COL24A1: variants seen among roughly 807,000 people sequenced by gnomAD.
COL24A1 encodes collagen type XXIV alpha 1 chain.
COL24A1 carries 224 observed loss-of-function variants against 253.9 expected under a neutral mutation model. The ratio of observed to expected loss-of-function variants is 0.88; its 90% CI spans 0.79 to 0.99. The LOEUF (loss-of-function observed/expected upper bound fraction) is 0.99, where lower values mean the gene tolerates loss of function less well. COL24A1 is among the 50% of genes least tolerant of loss of function. COL24A1 has a pLI of 0.00. For missense variants in COL24A1, 2,131 were observed against 2,068.5 expected (o/e 1.03, Z -0.59); for synonymous variants, 685 against 673.7 (o/e 1.02, Z -0.26).
At chr1:85,827,876 C>T (rs1327324589) in intron 43 of COL24A1, among the ~76,000 whole-genome samples, 1 of 152,056 alleles carries the variant, frequency 6.6e-6, no homozygotes, top group Non-Finnish European at 1.5e-5. Flanking sequence ...AAACCAGCTC[C>T]TGGATTCATT....
intron 7 of COL24A1, among the ~76,000 whole-genome samples, chr1:86,078,573 C>A (rs899024534): frequency 2.6e-5 from 4 of 152,028 alleles, no homozygotes; most frequent in African/African-American, 7.2e-5. Flanking sequence ...ATTCCACCAA[C>A]AAAACAAAAC....
intron 42 of COL24A1, 149 bp downstream of exon 42, chr1:85,841,073 T>C (rs1376554778): frequency 1.7e-6 from 1 of 590,466 alleles, no homozygotes; most frequent in Non-Finnish European, 2.9e-6. Flanking sequence ...TCATTTAAAT[T>C]TTGTGACCAT....
At chr1:85,875,482 T>C (rs748023102) in intron 33 of COL24A1, 152 bp from the exon 34 acceptor site, 5 of 595,514 alleles carry the variant, frequency 8.4e-6, no homozygotes, top group Non-Finnish European at 1.5e-5. Context: ...AGATTCTTTC[T>C]GACACCCTTT....
intron 2 of COL24A1, among the ~76,000 whole-genome samples, chr1:86,138,125 C>T (rs537452859): frequency 2.0e-5 from 3 of 152,142 alleles, no homozygotes; most frequent in African/African-American, 7.2e-5. Context: ...TCTTGGGACG[C>T]TTTAAACCCG....
At chr1:85,735,100 GGT>G in intron 58 of COL24A1, 136 bp from the exon 59 acceptor site, 1 of 712,686 alleles carries the variant, frequency 1.4e-6, no homozygotes, top group Non-Finnish European at 2.4e-6. Flanking sequence ...GCCAGTCAGT[GGT>G]GTGCTGGTAA....
intron 47 of COL24A1, among the ~76,000 whole-genome samples, chr1:85,811,511 T>C (rs76052871): frequency 0.01 from 1,591 of 152,336 alleles, 20 homozygotes; most frequent in African/African-American, 0.036. Flanking sequence ...TCTGAGGAAC[T>C]ACCATACTGG....
intron 37 of COL24A1, among the ~76,000 whole-genome samples, chr1:85,852,890 T>C (rs1677945515): frequency 6.6e-6 from 1 of 152,186 alleles, no homozygotes. Context: ...GATCAAGCAA[T>C]CCACTCACCT....
intron 40 of COL24A1, 34 bp from the exon 41 acceptor site, chr1:85,842,155 C>T (rs1441963999): frequency 3.3e-5 from 53 of 1,590,582 alleles, no homozygotes; most frequent in Non-Finnish European, 4.4e-5. Flanking sequence ...TATACATGCT[C>T]TACCTAGATA....
chr1:85,927,338 C>A (rs529947490), intron 24 of COL24A1, among the ~76,000 whole-genome samples: 4 of 151,956 alleles, frequency 2.6e-5, no homozygotes, highest in Non-Finnish European at 4.4e-5. Flanking sequence ...CCTGGAAAAT[C>A]GGGTCACTCC....
intron 24 of COL24A1, among the ~76,000 whole-genome samples, chr1:85,950,201 T>A (rs1300177496): frequency 3.3e-5 from 5 of 149,272 alleles, no homozygotes; most frequent in Non-Finnish European, 6.0e-5. Flanking sequence ...AAAGCAAGAA[T>A]TTTTTTTAAC....
chr1:85,805,323 G>C (rs922898680), intron 47 of COL24A1, among the ~76,000 whole-genome samples: 1 of 152,162 alleles, frequency 6.6e-6, no homozygotes, highest in Non-Finnish European at 1.5e-5. Context: ...AAGAGATAAT[G>C]TAAGGAAGGA....
chr1:86,080,590 A>G (rs1702566825), intron 7 of COL24A1, among the ~76,000 whole-genome samples: 1 of 152,084 alleles, frequency 6.6e-6, no homozygotes, highest in African/African-American at 2.4e-5. Flanking sequence ...AAAATAATAA[A>G]TAAATAAATT....
At chr1:86,029,735 C>G (rs1698383040) in intron 14 of COL24A1, 1 of 151,730 alleles carries the variant, frequency 6.6e-6, no homozygotes, top group African/African-American at 2.4e-5. Context: ...CTCACCTCAG[C>G]CTCCTAAACA....
chr1:86,022,081 T>C (rs963081726), intron 18 of COL24A1, among the ~76,000 whole-genome samples, 159 bp downstream of exon 18: 1 of 152,186 alleles, frequency 6.6e-6, no homozygotes, highest in Non-Finnish European at 1.5e-5. Flanking sequence ...CAAAAGTCTA[T>C]GGAATGTGAA....
intron 57 of COL24A1, among the ~76,000 whole-genome samples, chr1:85,737,963 A>C (rs910474532): frequency 6.6e-6 from 1 of 152,192 alleles, no homozygotes; most frequent in Non-Finnish European, 1.5e-5. Flanking sequence ...TGAATGAATG[A>C]ATGCTGCATT....
intron 7 of COL24A1, among the ~76,000 whole-genome samples, chr1:86,082,023 G>T (rs562823701): frequency 6.6e-6 from 1 of 152,210 alleles, no homozygotes; most frequent in South Asian, 2.1e-4. Context: ...CAACATATGA[G>T]AAACTATTCT....
chr1:85,772,532 C>A (rs1668092206), intron 53 of COL24A1, among the ~76,000 whole-genome samples: 1 of 150,976 alleles, frequency 6.6e-6, no homozygotes, highest in Admixed American at 6.6e-5. Context: ...GCGTTATTCA[C>A]AATAGCCTGA....
chr1:85,978,063 G>T (rs546835289), intron 20 of COL24A1, among the ~76,000 whole-genome samples: 2 of 152,196 alleles, frequency 1.3e-5, no homozygotes, highest in East Asian at 3.9e-4. Context: ...GAAGGGATTG[G>T]GGTCCTATTT....
intron 11 of COL24A1, among the ~76,000 whole-genome samples, chr1:86,047,172 C>T (rs1358525350): frequency 6.6e-6 from 1 of 152,172 alleles, no homozygotes; most frequent in Non-Finnish European, 1.5e-5. Flanking sequence ...AAAGTTGGCA[C>T]AACTAGATGA....
Sources: allele counts gnomAD v4.1 joint callset (sites outside exome capture counted in the v4.1 genomes callset), GRCh38; gene constraint gnomAD v4.1.1; transcripts MANE v1.5; gene names NCBI Gene and HGNC (gene_info 2026-07-23, HGNC 2026-07-21).